The following SEMA6A variants were observed in gnomAD, a reference collection of about 807,000 sequenced individuals.
SEMA6A encodes the protein semaphorin-6A.
A neutral mutation model predicts 96.8 loss-of-function variants in SEMA6A; 25 were observed. That is an observed-to-expected ratio of 0.26 (90% CI 0.19 to 0.36). The LOEUF (loss-of-function observed/expected upper bound fraction) is 0.36, where lower values mean the gene tolerates loss of function less well. Among genes scored for constraint, SEMA6A ranks in the 10% least tolerant of loss-of-function variants. The probability of loss-of-function intolerance (pLI) is 1.00; values close to 1 mark genes in which losing one functional copy is unlikely to be tolerated. For missense variants in SEMA6A, 1,363 were observed against 1,323.1 expected, an observed-to-expected ratio of 1.03 and a Z score of -0.47; for synonymous variants, 612 against 518.0, an observed-to-expected ratio of 1.18 and a Z score of -2.46.
At chr5:116,507,733 A>G (rs1419899073) in intron 1 of SEMA6A, among the ~76,000 whole-genome samples, 1 of 152,238 alleles carries the variant, frequency 6.6e-6, no homozygotes. Context: ...GAAGACTGTC[A>G]ATATAAGGAT....
chr5:116,447,820 G>T lies in SEMA6A; in HGVS notation c.1895-9C>A, dbSNP rs1485963137. 2 of 1,575,534 alleles carry T rather than the reference G, an allele frequency of 1.3e-6. No individual in the cohort carries two copies. The highest frequency in any genetic ancestry group is 3.5e-5 in the Admixed American group (2 of 56,674). ...ACTTTCCCGAATCACTCCTGCAATA[G>T]ACATCGCATATGGCGTTAAGAAATG... On this transcript the variant is annotated splice_polypyrimidine_tract_variant and intron_variant, in intron 18 of 18. Coordinates refer to ENST00000343348, the MANE Select transcript of SEMA6A (RefSeq NM_020796.5).
At chr5:116,549,120 A>C (rs1322222904) in intron 1 of SEMA6A, among the ~76,000 whole-genome samples, 1 of 152,220 alleles carries the variant, frequency 6.6e-6, no homozygotes, top group African/African-American at 2.4e-5. Flanking sequence ...TAGATGGAAA[A>C]AACATCACAT....
chr5:116,554,769 G>T (rs924168738), intron 1 of SEMA6A: 3 of 144,364 alleles, frequency 2.1e-5, no homozygotes, highest in African/African-American at 7.8e-5. Context: ...AGAAGCCCTG[G>T]AACCAAAAAT....
intron 17 of SEMA6A, chr5:116,469,224 A>G (rs2112656305): frequency 6.6e-6 from 1 of 152,280 alleles, no homozygotes; most frequent in African/African-American, 2.4e-5. Flanking sequence ...GGAAACATTC[A>G]ATTTGTTGAA....
chr5:116,470,277 C>G (rs574064910), intron 17 of SEMA6A, among the ~76,000 whole-genome samples: 1 of 152,052 alleles, frequency 6.6e-6, no homozygotes, highest in Non-Finnish European at 1.5e-5. Flanking sequence ...TGTGCATTCC[C>G]TAAGAGACTT....
intron 1 of SEMA6A, among the ~76,000 whole-genome samples, chr5:116,537,093 C>T (rs1252793083): frequency 1.3e-5 from 2 of 152,196 alleles, no homozygotes; most frequent in Non-Finnish European, 2.9e-5. Context: ...GCAGCTCCAA[C>T]AGCAGTTAGA....
chr5:116,477,977 A>G (rs768386915), intron 14 of SEMA6A, 37 bp downstream of exon 14: 11 of 1,613,912 alleles, frequency 6.8e-6, no homozygotes, highest in Non-Finnish European at 9.3e-6. Flanking sequence ...CCTAGCCACC[A>G]TGGACTTTCT....
At chr5:116,521,438 G>T (rs1027347382) in intron 1 of SEMA6A, among the ~76,000 whole-genome samples, 1 of 152,210 alleles carries the variant, frequency 6.6e-6, no homozygotes, top group African/African-American at 2.4e-5. Flanking sequence ...AGTTTGAGGG[G>T]TAACGGGGCT....
intron 17 of SEMA6A, among the ~76,000 whole-genome samples, chr5:116,470,132 G>A (rs1161222242): frequency 2.0e-5 from 3 of 152,070 alleles, no homozygotes; most frequent in Non-Finnish European, 2.9e-5. Context: ...GAACCACCCT[G>A]TAAAAGCACC....
chr5:116,508,720 AC>A (rs1441591528), intron 1 of SEMA6A, among the ~76,000 whole-genome samples: 1 of 152,112 alleles, frequency 6.6e-6, no homozygotes, highest in African/African-American at 2.4e-5. Flanking sequence ...CTAGTCCAAG[AC>A]CCCACCTGAC....
At chr5:116,464,087 TGGA>T (rs1467887234) in intron 18 of SEMA6A, among the ~76,000 whole-genome samples, 3 of 152,196 alleles carry the variant, frequency 2.0e-5, no homozygotes, top group African/African-American at 7.2e-5. Flanking sequence ...GAAGCGGTGG[TGGA>T]GAATAAGCCA....
chr5:116,454,624 C>G (rs1462980349), intron 18 of SEMA6A, among the ~76,000 whole-genome samples: 2 of 152,068 alleles, frequency 1.3e-5, no homozygotes, highest in East Asian at 3.9e-4. Context: ...TCGAGGTGAC[C>G]ACGCTGAAAG....
intron 1 of SEMA6A, among the ~76,000 whole-genome samples, chr5:116,552,981 G>A (rs930391051): frequency 9.2e-5 from 14 of 152,188 alleles, no homozygotes; most frequent in Non-Finnish European, 4.4e-5. Context: ...AGTTGGCCCT[G>A]CTCTAGGGAG....
chr5:116,488,533 G>A (rs1432374264), intron 8 of SEMA6A, among the ~76,000 whole-genome samples: 1 of 152,162 alleles, frequency 6.6e-6, no homozygotes, highest in Non-Finnish European at 1.5e-5. Context: ...ACAGGGTTGT[G>A]AATAGCTTTT....
Position 116,503,418 on chromosome 5 carries a change from C to CA in SEMA6A, c.101-1092dup, listed in dbSNP as rs577867556. ...TTTGAAATTTCATGTACCCATTCATCAAGGAGATTGCTAAAACAACTCAAA... is the reference window on the plus strand; with the variant it reads ...TTTGAAATTTCATGTACCCATTCATCAAAGGAGATTGCTAAAACAACTCAAA... On this transcript the variant is annotated intron_variant, in intron 2 of 18. Transcript: ENST00000343348. Among the ~76,000 whole-genome samples the CA allele has an allele frequency of 1.3e-3, 203 of 152,200 alleles. 1 individual carries two copies. The highest frequency in any genetic ancestry group is 4.5e-3 in the African/African-American group (187 of 41,538).
At chr5:116,477,262 TC>T (rs1348714801) in intron 15 of SEMA6A, among the ~76,000 whole-genome samples, 421 of 152,302 alleles carry the variant, frequency 2.8e-3, no homozygotes, top group Non-Finnish European at 4.7e-3. Flanking sequence ...AACACCAAAA[TC>T]ATAGGCATGG....
In SEMA6A at chr5:116,508,099, A is replaced by G. The variant is rs1336879651; in HGVS notation, c.-38-3117T>C. 3 of 152,176 alleles carry G rather than the reference A, an allele frequency of 2.0e-5. No individual in the cohort carries two copies. In the East Asian group the frequency reaches 5.8e-4, roughly 29 times the overall value. The allele number at this position is 152,176 out of a possible 1,614,324, so 9.4% of individuals were successfully genotyped here. On this transcript the variant is annotated intron_variant, in intron 1 of 18. Transcript: ENST00000343348. ...GTGATGTACAAATGGTGTTGTGATT[A>G]TTGGTTGCCATGAGCCAAATGAACC...
At chr5:116,471,210 T>C (rs1024273302) in intron 17 of SEMA6A, 1 of 152,138 alleles carries the variant, frequency 6.6e-6, no homozygotes, top group Non-Finnish European at 1.5e-5. Flanking sequence ...GACCTGAAAA[T>C]GAATGAGCAT....
chr5:116,468,035 A>G (rs1561475775), intron 17 of SEMA6A: 2 of 374,808 alleles, frequency 5.3e-6, no homozygotes, highest in African/African-American at 4.1e-5. Context: ...CTGTGCACCC[A>G]GTGGGGATAA....
Sources: gnomAD v4.1 joint callset for allele counts (sites outside exome capture counted in the v4.1 genomes callset) on GRCh38, gnomAD v4.1.1 for gene constraint, MANE v1.5 for transcripts, NCBI Gene and HGNC (gene_info 2026-07-23, HGNC 2026-07-21) for gene names.